The following FBN1 variants were observed in gnomAD, a reference collection of about 807,000 sequenced individuals.
The protein encoded by FBN1 is fibrillin-1.
Under a neutral mutation model 365.1 loss-of-function variants are expected in FBN1, and 29 were observed. That is an observed-to-expected ratio of 0.08 (90% CI 0.06 to 0.11). The LOEUF is 0.11. FBN1 is among the 10% of genes least tolerant of loss of function. The pLI is 1.00. For missense variants in FBN1, 2,476 were observed against 3,703.2 expected, an observed-to-expected ratio of 0.67 and a Z score of 8.60; for synonymous variants, 1,210 against 1,270.5, an observed-to-expected ratio of 0.95 and a Z score of 1.01.
chr15:48,431,390 C>T (rs2043021846), intron 55 of FBN1, among the ~76,000 whole-genome samples: 1 of 152,006 alleles, frequency 6.6e-6, no homozygotes, highest in South Asian at 2.1e-4. Context: ...CATGAGCCAT[C>T]GTGCCTGGCT....
chr15:48,425,282 T>C (rs1352322598), intron 60 of FBN1, 87 bp downstream of exon 60: 34 of 1,584,278 alleles, frequency 2.1e-5, no homozygotes. Flanking sequence ...AGCAGGTCTT[T>C]CGGCTTGCCT....
At chr15:48,487,282 A>G (rs755764071) in intron 28 of FBN1, 30 bp downstream of exon 28, 34 of 1,614,224 alleles carry the variant, frequency 2.1e-5, no homozygotes, top group Non-Finnish European at 2.8e-5. Context: ...ACTGACCACA[A>G]GTAAATGGTG....
At chr15:48,577,912 T>A (rs1304012646) in intron 6 of FBN1, among the ~76,000 whole-genome samples, 9 of 152,176 alleles carry the variant, frequency 5.9e-5, no homozygotes, top group Admixed American at 5.9e-4. Context: ...GTAAAAGCAG[T>A]CTTCAGCTGG....
At position 48,610,805 on chromosome 15, in the gene FBN1, C is replaced by G. The variant is rs2140734033; in HGVS notation, c.269G>C (p.Gly90Ala). ...CIVPICRHSCGDGFCSRPNMC... is the reference protein window; with the variant it reads ...CIVPICRHSCADGFCSRPNMC... Reference sequence around the variant, plus strand: ...ATTTGGCCTCGAACAAAATCCATCCCCACAGGAATGCCGGCAAATGGCTGT... The same window carrying G: ...ATTTGGCCTCGAACAAAATCCATCCGCACAGGAATGCCGGCAAATGGCTGT... Residue 90 changes from glycine to alanine, a missense_variant, in exon 4 of 66, where the codon GGG becomes GCG. This residue lies in a region of FBN1 where 22 missense variants were observed against 64.1 expected (regional missense o/e 0.34). Coordinates refer to ENST00000316623, the MANE Select transcript of FBN1 (RefSeq NM_000138.5). 6.2e-7 allele frequency: 1 copy of G among 1,614,032 alleles called. No homozygotes were observed. Among genetic ancestry groups the G allele is most frequent in the Non-Finnish European group, 8.5e-7 (1 of 1,179,948 alleles).
rs186728663 is a variant in FBN1 at position 48,540,140 on chromosome 15, C to A, written c.539-2332G>T. On this transcript the variant is annotated intron_variant, in intron 6 of 65. Transcript: ENST00000316623. ...TGGCTCAATTCTCCCAAACAAATAC[C>A]TATAGGGATTTAATAAATACATCTT... is the stretch of plus-strand genomic sequence containing the variant. 2.8e-3 allele frequency among the ~76,000 whole-genome samples: 427 copies of A among 152,202 alleles called. 3 individuals carry two copies. The highest frequency in any genetic ancestry group is 7.1e-3 in the Admixed American group (109 of 15,284).
intron 6 of FBN1, among the ~76,000 whole-genome samples, chr15:48,574,354 G>T (rs2044328883): frequency 6.6e-6 from 1 of 152,208 alleles, no homozygotes; most frequent in South Asian, 2.1e-4. Context: ...GGAAGGAGCA[G>T]CATGGATGAA....
At chr15:48,613,123 T>A in intron 2 of FBN1, 31 bp from the exon 3 acceptor site, 4 of 1,521,118 alleles carry the variant, frequency 2.6e-6, no homozygotes, top group Non-Finnish European at 2.7e-6. Context: ...TTCCATACTT[T>A]AAAAAAAAGA....
chr15:48,434,301 A>G lies in FBN1; in HGVS notation c.6616+293T>C, dbSNP rs541201373. Among the ~76,000 whole-genome samples, 18 of 152,310 alleles carry G rather than the reference A, an allele frequency of 1.2e-4. No homozygotes were observed. In the South Asian group the frequency reaches 3.5e-3, roughly 30 times the overall value. ...AAGGAGAAAGTGAGAGTAAGAAAGA[A>G]GGTATTAAACAACACGGAAGCATCT... is the stretch of plus-strand genomic sequence containing the variant. On this transcript the variant is annotated intron_variant, in intron 54 of 65. Coordinates refer to ENST00000316623, the MANE Select transcript of FBN1 (RefSeq NM_000138.5).
In FBN1 at chr15:48,645,684, G is replaced by C. The variant is rs368683617; in HGVS notation, c.-291C>G. The C allele has an allele frequency of 2.0e-5, 3 of 152,478 alleles. No homozygotes were observed. The highest frequency in any genetic ancestry group is 7.2e-5 in the African/African-American group (3 of 41,456). 9.4% of individuals were successfully genotyped at this position (152,478 alleles called of 1,614,324 possible). A position where few individuals can be genotyped will look rare whatever the true frequency, so the allele number is the denominator to read the frequency against. On this transcript the variant is annotated 5_prime_UTR_variant, in exon 1 of 66. Coordinates refer to ENST00000316623, the MANE Select transcript of FBN1 (RefSeq NM_000138.5). ...CGCAGCTGTCCCAGCTGTGGCTCCT[G>C]TCCGCTTGTGGCACCCACAGTCTCT...
At chr15:48,592,015 G>A (rs904216807) in intron 6 of FBN1, among the ~76,000 whole-genome samples, 3 of 152,158 alleles carry the variant, frequency 2.0e-5, no homozygotes, top group Non-Finnish European at 4.4e-5. Context: ...TTCTCATAAG[G>A]TTGTTGCAAA....
chr15:48,438,604 A>T (rs2043090556), intron 50 of FBN1, among the ~76,000 whole-genome samples: 1 of 147,170 alleles, frequency 6.8e-6, no homozygotes, highest in African/African-American at 2.5e-5. Flanking sequence ...TTTTAAAAGA[A>T]GCTTGTTTAG....
chr15:48,435,799 T>C lies in FBN1; in HGVS notation c.6497-1086A>G, dbSNP rs2043067284. Among the ~76,000 whole-genome samples, 10 of 149,164 alleles carry C rather than the reference T, an allele frequency of 6.7e-5. No individual in the cohort carries two copies. In the South Asian group the frequency reaches 2.1e-3, roughly 31 times the overall value. ...GTGTGTGTGTGTGTGTGTGTGTGTG[T>C]GTGTGTGTGTGTATATATGCCTTCT... On this transcript the variant is annotated intron_variant, in intron 53 of 65. Transcript: ENST00000316623.
chr15:48,461,111 A>C (rs2043277064), intron 42 of FBN1, among the ~76,000 whole-genome samples: 1 of 152,196 alleles, frequency 6.6e-6, no homozygotes, highest in Non-Finnish European at 1.5e-5. Flanking sequence ...AAAATACAGC[A>C]TGTTATTCTC....
At chr15:48,507,031 C>G (rs573353246) in intron 15 of FBN1, among the ~76,000 whole-genome samples, 2 of 152,106 alleles carry the variant, frequency 1.3e-5, no homozygotes, top group Admixed American at 6.5e-5. Flanking sequence ...TGATAGGATA[C>G]TATTTCACTG....
intron 2 of FBN1, among the ~76,000 whole-genome samples, chr15:48,623,717 T>G (rs1274143246): frequency 6.6e-6 from 1 of 152,234 alleles, no homozygotes; most frequent in Non-Finnish European, 1.5e-5. Flanking sequence ...TCTTTGGATG[T>G]GCTGCTTGGA....
rs111676388 is a variant in FBN1 at position 48,474,483 on chromosome 15, T to C, written c.4087+45A>G. ...ATAATTAATATTTTCATATGTGTAA[T>C]CTATGCAGTCCTTGATAAGCAACCT... On this transcript the variant is annotated intron_variant, in intron 33 of 65. Transcript: ENST00000316623. The C allele has an allele frequency of 6.4e-3, 10,298 of 1,614,010 alleles. 42 individuals carry two copies. Among genetic ancestry groups the C allele is most frequent in the Non-Finnish European group, 7.8e-3 (9,216 of 1,179,862 alleles).
chr15:48,520,673 G>C lies in FBN1; in HGVS notation c.1133C>G (p.Pro378Arg), dbSNP rs1274000764. 6.2e-7 allele frequency: 1 copy of C among 1,614,064 alleles called. No individual in the cohort carries two copies. Among genetic ancestry groups the C allele is most frequent in the South Asian group, 1.1e-5 (1 of 91,074 alleles). The change falls in exon 10 of 66, where the codon CCC becomes CGC. Residue 378 changes from proline to arginine, a missense_variant. Pro to Arg is a moderately radical substitution (Grantham distance 103). Coordinates refer to ENST00000316623, the MANE Select transcript of FBN1 (RefSeq NM_000138.5). Reference sequence around the variant, plus strand: ...AGGGCTCTTACCGGTTGCTCTGATGGGACACATCTCAGGGGCGACAGTGAC... The same window carrying C: ...AGGGCTCTTACCGGTTGCTCTGATGCGACACATCTCAGGGGCGACAGTGAC... The part of the protein sequence containing the change: ...PGVTVAPEMC[P>R]IRATEDFNKL...
intron 6 of FBN1, among the ~76,000 whole-genome samples, chr15:48,554,789 A>C (rs1342245492): frequency 6.6e-6 from 1 of 152,238 alleles, no homozygotes; most frequent in Admixed American, 6.5e-5. Context: ...GAAGTGTCTT[A>C]TATACCTATG....
intron 2 of FBN1, among the ~76,000 whole-genome samples, chr15:48,617,701 A>G (rs1889684702): frequency 6.6e-6 from 1 of 152,220 alleles, no homozygotes; most frequent in Non-Finnish European, 1.5e-5. Context: ...TCAGTTAAAC[A>G]TAGCCCTCAG....
Sources: gnomAD v4.1 joint callset for allele counts (sites outside exome capture counted in the v4.1 genomes callset) on GRCh38, gnomAD v4.1.1 for gene constraint, gnomAD v4.1.1 regional missense constraint, MANE v1.5 for transcripts, NCBI Gene and HGNC (gene_info 2026-07-23, HGNC 2026-07-21) for gene names.